TMPRSS15: variants seen among roughly 807,000 people sequenced by gnomAD.
The protein encoded by TMPRSS15 is enteropeptidase.
In TMPRSS15, 128 loss-of-function variants were observed where a neutral mutation model predicts 125.3. That is an observed-to-expected ratio of 1.02 (90% CI 0.89 to 1.18). TMPRSS15 has a LOEUF of 1.18. Among genes scored for constraint, TMPRSS15 ranks in the 50% most tolerant of loss-of-function variants. The pLI, the probability that TMPRSS15 is intolerant of heterozygous loss-of-function variation, is 0.00. For synonymous variants in TMPRSS15, 446 were observed against 423.2 expected (o/e 1.05, Z -0.66); for missense variants, 1,283 against 1,212.7 (o/e 1.06, Z -0.86).
At chr21:18,334,500 G>A (rs1027999339) in intron 13 of TMPRSS15, among the ~76,000 whole-genome samples, 5 of 152,084 alleles carry the variant, frequency 3.3e-5, no homozygotes, top group Admixed American at 6.6e-5. Context: ...AGTTGTCTTG[G>A]AGACAACTAG....
In TMPRSS15 at chr21:18,323,548, T is replaced by G. The variant is rs561067140; in HGVS notation, c.1921+2884A>C. Among the ~76,000 whole-genome samples the G allele has an allele frequency of 2.0e-5, 3 of 152,234 alleles. No homozygotes were observed. The East Asian group carries it at 5.8e-4, about 29-fold the overall frequency. ...GGGATCATTACAATTCAAGGTGAGA[T>G]CTGGGTGGGGACACAGCTAAACCAA... is the stretch of plus-strand genomic sequence containing the variant. On this transcript the variant is annotated intron_variant, in intron 16 of 24. Transcript: ENST00000284885.
In TMPRSS15 at chr21:18,281,065, A is replaced by G. The variant is rs1474437984; in HGVS notation, c.2643T>C (p.His881=). 2 of 1,613,892 alleles carry G rather than the reference A, an allele frequency of 1.2e-6. No homozygotes were observed. Among genetic ancestry groups the G allele is most frequent in the South Asian group, 2.2e-5 (2 of 91,074 alleles). ...RRKDNDIAMM[H]LEFKVNYTDY... The stretch of plus-strand genomic sequence containing the variant: ...CTGTGTAATTCACTTTAAATTCCAG[A>G]TGCATCATGGCAATGTCGTTGTCCT... The change falls in exon 22 of 25, where the codon CAT becomes CAC. Residue 881 remains histidine (H), a synonymous_variant. Transcript: ENST00000284885.
chr21:18,291,901 G>A (rs955592588), intron 21 of TMPRSS15, among the ~76,000 whole-genome samples: 2 of 152,154 alleles, frequency 1.3e-5, no homozygotes, highest in African/African-American at 4.8e-5. Context: ...CTATGTGATT[G>A]TGTGAGAGAA....
intron 3 of TMPRSS15, among the ~76,000 whole-genome samples, chr21:18,387,651 G>GCA (rs977731186): frequency 1.1e-5 from 1 of 95,112 alleles, no homozygotes; most frequent in African/African-American, 4.0e-5. Flanking sequence ...ACACACACAC[G>GCA]CACACACACC....
intron 7 of TMPRSS15, among the ~76,000 whole-genome samples, chr21:18,363,550 T>A (rs948771142): frequency 2.7e-5 from 3 of 112,140 alleles, no homozygotes; most frequent in Non-Finnish European, 3.8e-5. Flanking sequence ...GTGTACCCAA[T>A]TATGCAGATT....
intron 17 of TMPRSS15, among the ~76,000 whole-genome samples, chr21:18,314,288 T>C (rs185196662): frequency 1.3e-5 from 2 of 152,254 alleles, no homozygotes; most frequent in African/African-American, 4.8e-5. Flanking sequence ...ATTATTTTTT[T>C]CTTTTTTGAG....
intron 1 of TMPRSS15, among the ~76,000 whole-genome samples, chr21:18,438,106 G>A (rs1183941335): frequency 1.3e-5 from 2 of 151,216 alleles, no homozygotes; most frequent in Non-Finnish European, 2.9e-5. Flanking sequence ...ACTGGATTAA[G>A]AAAATGTGGC....
At position 18,277,474 on chromosome 21, in the gene TMPRSS15, A is replaced by T. The variant is rs185992838; in HGVS notation, c.2764+1490T>A. Among the ~76,000 whole-genome samples the T allele has an allele frequency of 3.9e-3, 595 of 152,336 alleles. 5 individuals carry two copies. The highest frequency in any genetic ancestry group is 0.012 in the African/African-American group (491 of 41,572). On this transcript the variant is annotated intron_variant, in intron 23 of 24. Transcript: ENST00000284885. ...ATCTAGGAATCATTTTTACTGTTTA[A>T]ATTTGAAGTTTAATAAATCATAATA... is the stretch of plus-strand genomic sequence containing the variant.
chr21:18,282,058 A>T (rs1249148781), intron 21 of TMPRSS15, among the ~76,000 whole-genome samples: 2 of 138,402 alleles, frequency 1.4e-5, no homozygotes, highest in Admixed American at 1.6e-4. Flanking sequence ...AGATTGCGCC[A>T]CTGCACTCCA....
chr21:18,456,926 T>C (rs1328057669), intron 1 of TMPRSS15, among the ~76,000 whole-genome samples: 1 of 152,084 alleles, frequency 6.6e-6, no homozygotes, highest in Non-Finnish European at 1.5e-5. Context: ...AGAGCCTGAA[T>C]GCAGCAGTCA....
chr21:18,399,312 A>G (rs1601441037), intron 1 of TMPRSS15, among the ~76,000 whole-genome samples: 1 of 152,268 alleles, frequency 6.6e-6, no homozygotes, highest in Middle Eastern at 3.4e-3. Flanking sequence ...GGATCTCTAT[A>G]TAATACATTG....
chr21:18,356,505 T>C (rs2075626579), intron 8 of TMPRSS15, among the ~76,000 whole-genome samples: 1 of 151,664 alleles, frequency 6.6e-6, no homozygotes, highest in African/African-American at 2.4e-5. Flanking sequence ...AAAATAACCA[T>C]AAAATTATTA....
At chr21:18,452,763 A>ATTATT (rs1295856803) in intron 1 of TMPRSS15, among the ~76,000 whole-genome samples, 1 of 11,554 alleles carries the variant, frequency 8.7e-5, no homozygotes, top group Non-Finnish European at 1.2e-3. Context: ...GCCAATAGAA[A>ATTATT]TCATTTATTT....
At chr21:18,434,958 AT>A (rs2076224633) in intron 1 of TMPRSS15, among the ~76,000 whole-genome samples, 1 of 152,064 alleles carries the variant, frequency 6.6e-6, no homozygotes, top group African/African-American at 2.4e-5. Flanking sequence ...TCTTTTCTAA[AT>A]TTTTTTCATC....
At chr21:18,438,760 A>G (rs2076234952) in intron 1 of TMPRSS15, among the ~76,000 whole-genome samples, 1 of 152,228 alleles carries the variant, frequency 6.6e-6, no homozygotes, top group Admixed American at 6.5e-5. Flanking sequence ...AATTATATGC[A>G]AAGTGTATAT....
intron 3 of TMPRSS15, 62 bp downstream of exon 3, chr21:18,397,817 A>T: frequency 2.1e-6 from 2 of 956,424 alleles, no homozygotes; most frequent in Non-Finnish European, 3.2e-6. Flanking sequence ...ATGCTATTTT[A>T]CAAATATTAG....
At chr21:18,284,623 G>A (rs940553117) in intron 21 of TMPRSS15, among the ~76,000 whole-genome samples, 2 of 152,172 alleles carry the variant, frequency 1.3e-5, no homozygotes, top group Non-Finnish European at 2.9e-5. Context: ...GTAAAGGAAG[G>A]AAGAGCTATA....
intron 1 of TMPRSS15, among the ~76,000 whole-genome samples, chr21:18,457,735 C>T (rs2123268408): frequency 6.6e-6 from 1 of 152,214 alleles, no homozygotes; most frequent in South Asian, 2.1e-4. Context: ...CAACCTAAGC[C>T]TTCTACTTCT....
intron 1 of TMPRSS15, among the ~76,000 whole-genome samples, chr21:18,469,704 G>A (rs1394074358): frequency 6.6e-6 from 1 of 152,038 alleles, no homozygotes; most frequent in East Asian, 1.9e-4. Context: ...TTATTTTGGG[G>A]ATCCTCCTGT....
Sources: allele counts gnomAD v4.1 joint callset (sites outside exome capture counted in the v4.1 genomes callset), GRCh38; gene constraint gnomAD v4.1.1; transcripts MANE v1.5; gene names NCBI Gene and HGNC (gene_info 2026-07-23, HGNC 2026-07-21).